The following KCNT2 variants were observed in gnomAD, a reference collection of about 807,000 sequenced individuals.
KCNT2 encodes potassium sodium-activated channel subfamily T member 2.
In KCNT2, 67 loss-of-function variants were observed where a neutral mutation model predicts 153.8. The ratio of observed to expected loss-of-function variants is 0.44; its 90% CI spans 0.36 to 0.53. The LOEUF (loss-of-function observed/expected upper bound fraction) is 0.53, where lower values mean the gene tolerates loss of function less well. Among genes scored for constraint, KCNT2 ranks in the 20% least tolerant of loss-of-function variants. The probability of loss-of-function intolerance (pLI) is 0.00; values close to 1 mark genes in which losing one functional copy is unlikely to be tolerated. For missense variants in KCNT2, 975 were observed against 1,354.8 expected (o/e 0.72, Z 4.40); for synonymous variants, 500 against 458.8 (o/e 1.09, Z -1.15).
chr1:196,365,911 G>A (rs1248790478), intron 14 of KCNT2, among the ~76,000 whole-genome samples: 1 of 152,134 alleles, frequency 6.6e-6, no homozygotes, highest in African/African-American at 2.4e-5. Flanking sequence ...CAATTACTAT[G>A]GTTGGGCATG....
rs562003078 is a variant in KCNT2, at chr1:196,468,966, G to GT, written c.459+27dup. 14 of 1,383,808 alleles carry GT rather than the reference G, an allele frequency of 1.0e-5. No individual in the cohort carries two copies. The Admixed American group carries it at 1.2e-4, about 12-fold the overall frequency. The allele number at this position is 1,383,808 out of a possible 1,614,324, so 85.7% of individuals were successfully genotyped here. A position where few individuals can be genotyped will look rare whatever the true frequency, so the allele number is the denominator to read the frequency against. On this transcript the variant is annotated intron_variant, in intron 6 of 27. Transcript: ENST00000294725. ...TTTACTTAAGTCTAATTACAAAAGT[G>GT]TTTTTTTAAGGTTCTTTTAGGACTT...
At chr1:196,361,112 C>T (rs1051984417) in intron 14 of KCNT2, among the ~76,000 whole-genome samples, 9 of 151,786 alleles carry the variant, frequency 5.9e-5, no homozygotes, top group South Asian at 4.2e-4. Flanking sequence ...GCCTATGGAG[C>T]GGATATGCAG....
intron 1 of KCNT2, among the ~76,000 whole-genome samples, chr1:196,586,043 T>C (rs996865862): frequency 2.0e-5 from 3 of 152,072 alleles, no homozygotes; most frequent in Admixed American, 2.0e-4. Flanking sequence ...TTGAGCTCCT[T>C]GAACTCAGGA....
rs187354409 is a variant in KCNT2, at chr1:196,525,847, C to T, written c.96-33506G>A. On this transcript the variant is annotated intron_variant, in intron 1 of 27. Transcript: ENST00000294725. ...TATTTAATTATGTAATATAAATATA[C>T]ATTTTAAAAGGTGTCTTTAAACAGA... 2.0e-5 allele frequency among the ~76,000 whole-genome samples: 3 copies of T among 151,954 alleles called. No individual in the cohort carries two copies. In the East Asian group the frequency reaches 5.8e-4, roughly 29 times the overall value.
chr1:196,258,563 T>A, intron 25 of KCNT2, 69 bp from the exon 26 acceptor site: 4 of 1,143,170 alleles, frequency 3.5e-6, no homozygotes, highest in Non-Finnish European at 5.0e-6. Context: ...TGAAATAATA[T>A]TTTATTTGCT....
At chr1:196,348,774 C>T (rs1218146049) in intron 14 of KCNT2, among the ~76,000 whole-genome samples, 1 of 151,992 alleles carries the variant, frequency 6.6e-6, no homozygotes, top group East Asian at 1.9e-4. Context: ...GCCTGTAATC[C>T]CAACACTTTG....
rs1425423646 is a variant in KCNT2 at position 196,225,946 on chromosome 1, C to T, written c.*2278G>A. The T allele has an allele frequency of 6.6e-6, 1 of 151,950 alleles. No homozygotes were observed. The highest frequency in any genetic ancestry group is 1.5e-5 in the Non-Finnish European group (1 of 67,920). 9.4% of individuals were successfully genotyped at this position (151,950 alleles called of 1,614,324 possible). ...AAGTATAATTATTTTAAAAAGGCAA[C>T]ATTTCATTAAAAGTCTTTTATAAGC... On this transcript the variant is annotated 3_prime_UTR_variant, in exon 28 of 28. Transcript: ENST00000294725.
In KCNT2 at chr1:196,333,953, G is replaced by T; in HGVS notation, c.1891C>A (p.Pro631Thr). 2 of 1,612,562 alleles carry T rather than the reference G, an allele frequency of 1.2e-6. No homozygotes were observed. The highest frequency in any genetic ancestry group is 1.7e-6 in the Non-Finnish European group (2 of 1,178,966). Residue 631 changes from proline to threonine, a missense_variant, in exon 17 of 28, where the codon CCT becomes ACT. Pro to Thr is a conservative substitution (Grantham distance 38). This residue lies in a region of KCNT2 where 325 missense variants were observed against 388.1 expected (regional missense o/e 0.84). Coordinates refer to ENST00000294725, the MANE Select transcript of KCNT2 (RefSeq NM_198503.5). The part of the protein sequence containing the change: ...SKEIRRPSIA[P>T]VLEVADTSSI... ...GATGTATCTGCAACCTCTAAAACAGGAGCAATGCTAGGTCTTCTTATTTCT... is the reference window on the plus strand; with the variant it reads ...GATGTATCTGCAACCTCTAAAACAGTAGCAATGCTAGGTCTTCTTATTTCT...
At chr1:196,369,934 G>C (rs112331312) in intron 14 of KCNT2, among the ~76,000 whole-genome samples, 7,553 of 152,096 alleles carry the variant, frequency 0.05, 281 homozygotes, top group Non-Finnish European at 0.072. Context: ...CTTCTCAAAA[G>C]AAGACATTTA....
At chr1:196,285,572 G>C (rs111424542) in intron 23 of KCNT2, 85 bp downstream of exon 23, 4 of 720,838 alleles carry the variant, frequency 5.5e-6, no homozygotes, top group African/African-American at 3.7e-5. Flanking sequence ...AGCTGCATGT[G>C]AAACACTAGA....
chr1:196,323,867 T>C (rs1663576608), intron 19 of KCNT2, among the ~76,000 whole-genome samples: 1 of 151,550 alleles, frequency 6.6e-6, no homozygotes, highest in African/African-American at 2.4e-5. Flanking sequence ...TCCTATAATA[T>C]GGAAATATTG....
At chr1:196,507,274 T>A (rs932478940) in intron 1 of KCNT2, among the ~76,000 whole-genome samples, 1 of 152,160 alleles carries the variant, frequency 6.6e-6, no homozygotes, top group African/African-American at 2.4e-5. Context: ...AAATTCACCA[T>A]CAGTTCTATC....
At chr1:196,398,752 C>CTTACTT in intron 12 of KCNT2, 81 bp from the exon 13 acceptor site, 1 of 721,738 alleles carries the variant, frequency 1.4e-6, no homozygotes, top group Non-Finnish European at 2.3e-6. Context: ...AATCAGTTTG[C>CTTACTT]TTGGTCACAT....
chr1:196,296,195 T>C (rs964608062), intron 22 of KCNT2, among the ~76,000 whole-genome samples: 9 of 151,970 alleles, frequency 5.9e-5, no homozygotes, highest in Non-Finnish European at 5.9e-5. Context: ...AGTTTAGTTT[T>C]ATGATTTGAT....
At chr1:196,339,562 C>CAG (rs1184856478) in intron 16 of KCNT2, among the ~76,000 whole-genome samples, 4 of 144,808 alleles carry the variant, frequency 2.8e-5, no homozygotes, top group South Asian at 4.4e-4. Context: ...GACAGAGACA[C>CAG]AGAGAGAGAG....
At chr1:196,562,371 G>T (rs1203174600) in intron 1 of KCNT2, among the ~76,000 whole-genome samples, 1 of 151,868 alleles carries the variant, frequency 6.6e-6, no homozygotes, top group Non-Finnish European at 1.5e-5. Context: ...AGGAAGGAGG[G>T]TATGTTGAGG....
At position 196,428,209 on chromosome 1, in the gene KCNT2, G is replaced by A. The variant is rs1029134719; in HGVS notation, c.880C>T (p.His294Tyr). 13 of 1,612,474 alleles carry A rather than the reference G, an allele frequency of 8.1e-6. No individual in the cohort carries two copies. Among genetic ancestry groups the A allele is most frequent in the Non-Finnish European group, 1.1e-5 (13 of 1,178,858 alleles). The change falls in exon 10 of 28, where the codon CAT (histidine) becomes TAT (tyrosine). Residue 294 changes from histidine (H) to tyrosine (Y), a missense_variant. This residue lies in a region of KCNT2 where 202 missense variants were observed against 314.9 expected (regional missense o/e 0.64). Transcript: ENST00000294725. ...ACATGCTTTTCAGTTTGAGCTCTAT[G>A]TCGACTATAGTTTCCTCCTGACTTT... Reference protein sequence around the residue: ...RQKSGGNYSRHRAQTEKHVVL... With the variant: ...RQKSGGNYSRYRAQTEKHVVL...
At chr1:196,539,902 TGTTA>T (rs754657076) in intron 1 of KCNT2, among the ~76,000 whole-genome samples, 10 of 151,920 alleles carry the variant, frequency 6.6e-5, no homozygotes, top group Non-Finnish European at 8.8e-5. Context: ...AGTGGCATGC[TGTTA>T]GTTGTTATTA....
chr1:196,524,212 T>C (rs1441001941), intron 1 of KCNT2, among the ~76,000 whole-genome samples: 3 of 152,186 alleles, frequency 2.0e-5, no homozygotes, highest in African/African-American at 7.2e-5. Flanking sequence ...GAGTCTGTGT[T>C]TCCTGGGCAG....
Sources: gnomAD v4.1 joint callset for allele counts (sites outside exome capture counted in the v4.1 genomes callset) on GRCh38, gnomAD v4.1.1 for gene constraint, gnomAD v4.1.1 regional missense constraint, MANE v1.5 for transcripts, NCBI Gene and HGNC (gene_info 2026-07-23, HGNC 2026-07-21) for gene names.